Variants in ARIH1 observed in about 807,000 individuals in gnomAD.
ARIH1 encodes the protein ariadne RBR E3 ubiquitin protein ligase 1.
A neutral mutation model predicts 85.0 loss-of-function variants in ARIH1; 8 were observed. The ratio of observed to expected loss-of-function variants is 0.09; its 90% CI spans 0.06 to 0.17. The LOEUF (loss-of-function observed/expected upper bound fraction) is 0.17, where lower values mean the gene tolerates loss of function less well. ARIH1 is among the 10% of genes least tolerant of loss of function. The pLI, the probability that ARIH1 is intolerant of heterozygous loss-of-function variation, is 1.00. For missense variants in ARIH1, 311 were observed against 718.1 expected, an observed-to-expected ratio of 0.43 and a Z score of 6.48; for synonymous variants, 238 against 253.6, an observed-to-expected ratio of 0.94 and a Z score of 0.59.
intron 1 of ARIH1, among the ~76,000 whole-genome samples, chr15:72,511,110 ATCTC>A (rs1352546581): frequency 1.3e-5 from 2 of 151,992 alleles, no homozygotes; most frequent in Admixed American, 1.3e-4. Flanking sequence ...TGAAGATGGC[ATCTC>A]TCTCCATTAT....
chr15:72,534,375 T>A (rs2064071631), intron 2 of ARIH1, among the ~76,000 whole-genome samples: 1 of 152,134 alleles, frequency 6.6e-6, no homozygotes, highest in Non-Finnish European at 1.5e-5. Flanking sequence ...TTGTCCTGGG[T>A]GGTATTTATA....
chr15:72,565,203 G>GT (rs1484073548), intron 7 of ARIH1, among the ~76,000 whole-genome samples: 2 of 152,122 alleles, frequency 1.3e-5, no homozygotes, highest in Admixed American at 1.3e-4. Flanking sequence ...TTACAGGCGT[G>GT]TGCCACCACG....
rs1313358824 is a variant in ARIH1, at chr15:72,589,304, T to C, written c.*6012T>C. The C allele has an allele frequency of 6.6e-6, 1 of 152,198 alleles. No individual in the cohort carries two copies. The highest frequency in any genetic ancestry group is 1.5e-5 in the Non-Finnish European group (1 of 68,032). 9.4% of individuals were successfully genotyped at this position (152,198 alleles called of 1,614,324 possible). A position where few individuals can be genotyped will look rare whatever the true frequency, so the allele number is the denominator to read the frequency against. ...TATTATGCTGCTGTTGTCTGTTACATAGGAATATTGTGAGGATCAAAGAAC... is the reference window on the plus strand; with the variant it reads ...TATTATGCTGCTGTTGTCTGTTACACAGGAATATTGTGAGGATCAAAGAAC... On this transcript the variant is annotated 3_prime_UTR_variant, in exon 14 of 14. Coordinates refer to ENST00000379887, the MANE Select transcript of ARIH1 (RefSeq NM_005744.5).
chr15:72,552,099 C>T (rs2064155229), intron 3 of ARIH1, among the ~76,000 whole-genome samples: 1 of 152,024 alleles, frequency 6.6e-6, no homozygotes. Context: ...TATAATGTCA[C>T]CTCTACAGAT....
chr15:72,499,988 A>T (rs2063896031), intron 1 of ARIH1, among the ~76,000 whole-genome samples: 2 of 152,110 alleles, frequency 1.3e-5, no homozygotes, highest in Non-Finnish European at 2.9e-5. Context: ...TTCAAACTTG[A>T]TTGCTAGATT....
intron 1 of ARIH1, among the ~76,000 whole-genome samples, chr15:72,500,842 C>G (rs2063899851): frequency 6.6e-6 from 1 of 152,088 alleles, no homozygotes; most frequent in Admixed American, 6.6e-5. Context: ...TGAAGTATGG[C>G]AAAGAACACT....
intron 3 of ARIH1, among the ~76,000 whole-genome samples, chr15:72,548,005 A>G (rs1595867001): frequency 6.6e-6 from 1 of 152,232 alleles, no homozygotes; most frequent in East Asian, 1.9e-4. Context: ...CTTGTAACTG[A>G]TGATGGAGAA....
At chr15:72,560,848 T>C (rs2064194533) in intron 5 of ARIH1, among the ~76,000 whole-genome samples, 2 of 89,796 alleles carry the variant, frequency 2.2e-5, no homozygotes, top group Admixed American at 1.2e-4. Context: ...GAGGAGTATT[T>C]ACCATAGAAC....
intron 1 of ARIH1, among the ~76,000 whole-genome samples, chr15:72,482,688 C>T (rs2063820979): frequency 6.6e-6 from 1 of 151,794 alleles, no homozygotes; most frequent in South Asian, 2.1e-4. Flanking sequence ...TATGTTACCC[C>T]AAAACTTAGT....
rs1204612552 is a variant in ARIH1, at chr15:72,587,051, C to T, written c.*3759C>T. 10 of 381,460 alleles carry T rather than the reference C, an allele frequency of 2.6e-5. No individual in the cohort carries two copies. The highest frequency in any genetic ancestry group is 1.5e-5 in the Non-Finnish European group (3 of 196,674). 23.6% of individuals were successfully genotyped at this position (381,460 alleles called of 1,614,324 possible). Reference sequence around the variant, plus strand: ...AGGTTTTAGGACAATTTAATTTACTCTTATTTGGATCTGTAATTATGGGAG... The same window carrying T: ...AGGTTTTAGGACAATTTAATTTACTTTTATTTGGATCTGTAATTATGGGAG... On this transcript the variant is annotated 3_prime_UTR_variant, in exon 14 of 14. Coordinates refer to ENST00000379887, the MANE Select transcript of ARIH1 (RefSeq NM_005744.5).
intron 1 of ARIH1, among the ~76,000 whole-genome samples, chr15:72,493,829 CAGTCTT>C (rs1262431426): frequency 6.6e-6 from 1 of 151,986 alleles, no homozygotes; most frequent in East Asian, 1.9e-4. Context: ...AAAGTTAAAA[CAGTCTT>C]AGTATGCTAA....
chr15:72,518,786 C>CAAA (rs1207137942), intron 2 of ARIH1, among the ~76,000 whole-genome samples: 6 of 92,198 alleles, frequency 6.5e-5, no homozygotes, highest in Admixed American at 2.3e-4. Context: ...GACTCTATCT[C>CAAA]AAAAAAAAAA....
At chr15:72,574,242 A>G (rs1239869376) in intron 11 of ARIH1, among the ~76,000 whole-genome samples, 1 of 152,162 alleles carries the variant, frequency 6.6e-6, no homozygotes, top group Non-Finnish European at 1.5e-5. Flanking sequence ...AAAATAGATT[A>G]TTTTTCTGTT....
intron 1 of ARIH1, among the ~76,000 whole-genome samples, chr15:72,511,538 C>A (rs2063950519): frequency 1.3e-5 from 2 of 152,074 alleles, no homozygotes; most frequent in Admixed American, 1.3e-4. Flanking sequence ...CTCCTCACCT[C>A]AGGTGATCCA....
intron 3 of ARIH1, among the ~76,000 whole-genome samples, chr15:72,549,189 G>A (rs1334575146): frequency 6.6e-6 from 1 of 150,988 alleles, no homozygotes; most frequent in East Asian, 2.0e-4. Context: ...GCAGTTTCAA[G>A]CGATTCTCCT....
At chr15:72,512,524 T>C (rs570459091) in intron 1 of ARIH1, among the ~76,000 whole-genome samples, 4 of 151,720 alleles carry the variant, frequency 2.6e-5, no homozygotes, top group African/African-American at 4.8e-5. Context: ...TTTTCTTTTT[T>C]TTTTTCCTTT....
intron 11 of ARIH1, among the ~76,000 whole-genome samples, chr15:72,578,821 G>GTTTTTTTT (rs66609745): frequency 6.9e-6 from 1 of 145,254 alleles, no homozygotes; most frequent in Non-Finnish European, 1.5e-5. Flanking sequence ...TTGGTGTTTT[G>GTTTTTTTT]TTTTTTTTTT....
At position 72,590,487 on chromosome 15, in the gene ARIH1, A is replaced by G. The variant is rs918216103; in HGVS notation, c.*7195A>G. 2 of 152,218 alleles carry G rather than the reference A, an allele frequency of 1.3e-5. No individual in the cohort carries two copies. Among genetic ancestry groups the G allele is most frequent in the African/African-American group, 2.4e-5 (1 of 41,436 alleles). 9.4% of individuals were successfully genotyped at this position (152,218 alleles called of 1,614,324 possible). A position where few individuals can be genotyped will look rare whatever the true frequency, so the allele number is the denominator to read the frequency against. ...ATTTGAGAGTCACTCTAGCATTTTA[A>G]TGAGTTAAGCAAGCCAGCCCTGCAT... On this transcript the variant is annotated 3_prime_UTR_variant, in exon 14 of 14. Coordinates refer to ENST00000379887, the MANE Select transcript of ARIH1 (RefSeq NM_005744.5).
chr15:72,543,799 T>C (rs573568768), intron 2 of ARIH1, among the ~76,000 whole-genome samples: 1 of 152,280 alleles, frequency 6.6e-6, no homozygotes, highest in African/African-American at 2.4e-5. Flanking sequence ...ATTGACCAGA[T>C]TGCACATTAA....
Sources: gnomAD v4.1 joint callset for allele counts (sites outside exome capture counted in the v4.1 genomes callset) on GRCh38, gnomAD v4.1.1 for gene constraint, MANE v1.5 for transcripts, NCBI Gene and HGNC (gene_info 2026-07-23, HGNC 2026-07-21) for gene names.